HDAC9: variants seen among roughly 807,000 people sequenced by gnomAD.
The protein encoded by HDAC9 is histone deacetylase 9.
Under a neutral mutation model 139.4 loss-of-function variants are expected in HDAC9, and 41 were observed. That is an observed-to-expected ratio of 0.29 (90% CI 0.23 to 0.38). HDAC9 has a LOEUF of 0.38. Among genes scored for constraint, HDAC9 ranks in the 10% least tolerant of loss-of-function variants. HDAC9 has a pLI of 1.00. For missense variants in HDAC9, 1,147 were observed against 1,297.0 expected, an observed-to-expected ratio of 0.88 and a Z score of 1.78; for synonymous variants, 517 against 476.2, an observed-to-expected ratio of 1.09 and a Z score of -1.12.
chr7:18,810,707 C>G (rs1251986145), intron 17 of HDAC9, among the ~76,000 whole-genome samples: 1 of 151,868 alleles, frequency 6.6e-6, no homozygotes, highest in East Asian at 1.9e-4. Flanking sequence ...AGACACTGAT[C>G]TGTTTTTTCA....
rs1824422102 is a variant in HDAC9, at chr7:18,571,926, AG to A, written c.23-13353del. ...TATTCAACTGTTTTGTGCTGGCTAA[AG>A]GTAATTGTTTCCTGGTGGCAGGAGG... On this transcript the variant is annotated intron_variant, in intron 2 of 25. Transcript: ENST00000686413. 4.6e-5 allele frequency among the ~76,000 whole-genome samples: 7 copies of A among 151,862 alleles called. No individual in the cohort carries two copies. The South Asian group carries it at 1.0e-3, about 23-fold the overall frequency.
intron 22 of HDAC9, among the ~76,000 whole-genome samples, chr7:18,917,241 A>G (rs545026596): frequency 6.6e-6 from 1 of 152,000 alleles, no homozygotes; most frequent in Non-Finnish European, 1.5e-5. Flanking sequence ...GCAGTCAGTC[A>G]TGAGGGAGAA....
At position 18,751,375 on chromosome 7, in the gene HDAC9, A is replaced by T. The variant is rs139303158; in HGVS notation, c.2043+2237A>T. On this transcript the variant is annotated intron_variant, in intron 14 of 25. Coordinates refer to ENST00000686413, the MANE Select transcript of HDAC9 (RefSeq NM_178425.4). ...AATTAAGATTAAGCACAAACATCAT[A>T]TCCAAAACATGGCAACAATGCAAAT... 4.1e-3 allele frequency among the ~76,000 whole-genome samples: 630 copies of T among 152,234 alleles called. 2 individuals carry two copies. Among genetic ancestry groups the T allele is most frequent in the African/African-American group, 9.1e-3 (378 of 41,558 alleles).
intron 25 of HDAC9, among the ~76,000 whole-genome samples, chr7:18,991,377 A>G (rs1785929513): frequency 6.6e-6 from 1 of 152,224 alleles, no homozygotes; most frequent in African/African-American, 2.4e-5. Flanking sequence ...ACAGTGGCTC[A>G]TGCCTGTAAT....
At chr7:18,254,674 C>T (rs1287466505) in intron 2 of HDAC9, among the ~76,000 whole-genome samples, 1 of 152,100 alleles carries the variant, frequency 6.6e-6, no homozygotes, top group Non-Finnish European at 1.5e-5. Flanking sequence ...TGAGGTAGAA[C>T]ATATGTTCTT....
intron 21 of HDAC9, among the ~76,000 whole-genome samples, chr7:18,841,283 T>G (rs916153508): frequency 4.6e-5 from 7 of 152,046 alleles, no homozygotes; most frequent in Non-Finnish European, 7.4e-5. Flanking sequence ...GTAATGACAA[T>G]TAAGTAAATA....
At chr7:18,774,073 C>T (rs1341341511) in intron 16 of HDAC9, among the ~76,000 whole-genome samples, 1 of 151,930 alleles carries the variant, frequency 6.6e-6, no homozygotes, top group Non-Finnish European at 1.5e-5. Flanking sequence ...AGCAGAATCC[C>T]TAGGATTTAA....
At chr7:18,457,996 G>A (rs1323295206) in intron 1 of HDAC9, among the ~76,000 whole-genome samples, 1 of 152,114 alleles carries the variant, frequency 6.6e-6, no homozygotes, top group African/African-American at 2.4e-5. Context: ...GGTTGTGTAT[G>A]GCCATACACG....
intron 1 of HDAC9, among the ~76,000 whole-genome samples, chr7:18,135,780 T>C (rs959673993): frequency 1.3e-5 from 2 of 149,382 alleles, no homozygotes; most frequent in Non-Finnish European, 3.0e-5. Context: ...CATGTGTCTT[T>C]ATAGCAGCAT....
intron 23 of HDAC9, among the ~76,000 whole-genome samples, chr7:18,942,569 T>C (rs1230961030): frequency 6.6e-6 from 1 of 152,094 alleles, no homozygotes; most frequent in Non-Finnish European, 1.5e-5. Flanking sequence ...GTTTTGGAGA[T>C]GGCAGAAGCT....
chr7:18,654,760 T>C (rs1790532733), intron 11 of HDAC9, among the ~76,000 whole-genome samples: 1 of 152,182 alleles, frequency 6.6e-6, no homozygotes. Context: ...TGCACCGGTT[T>C]AGATTTGCCA....
rs1474213958 is a variant in HDAC9, at chr7:18,699,555, A to G, written c.1732-28025A>G. 5.9e-5 allele frequency among the ~76,000 whole-genome samples: 9 copies of G among 152,342 alleles called. No individual in the cohort carries two copies. The South Asian group carries it at 1.2e-3, about 21-fold the overall frequency. ...CAACGAACTTTAGAGGTTCTTGTAT[A>G]TCATACAATTCCATCTATTTATTTA... On this transcript the variant is annotated intron_variant, in intron 12 of 25. Coordinates refer to ENST00000686413, the MANE Select transcript of HDAC9 (RefSeq NM_178425.4).
In HDAC9 at chr7:18,216,962, G is replaced by A. The variant is rs552040697; in HGVS notation, c.25+54613G>A. 1.4e-4 allele frequency among the ~76,000 whole-genome samples: 22 copies of A among 152,068 alleles called. No individual in the cohort carries two copies. In the South Asian group the frequency reaches 3.5e-3, roughly 24 times the overall value. ...GAGGAAGGGACTTTTTTTTAAAACC[G>A]TATTGACTTACCATATCAACTAGCA... On this transcript the variant is annotated intron_variant, in intron 2 of 12. Coordinates refer to the HDAC9 transcript ENST00000417496.
At chr7:18,135,908 C>T (rs1335573122) in intron 1 of HDAC9, among the ~76,000 whole-genome samples, 5 of 124,022 alleles carry the variant, frequency 4.0e-5, no homozygotes, top group Non-Finnish European at 7.8e-5. Flanking sequence ...AACTAGTTTA[C>T]AGTCCCACCA....
chr7:18,459,678 T>C (rs559615392), intron 1 of HDAC9, among the ~76,000 whole-genome samples: 10 of 148,242 alleles, frequency 6.7e-5, no homozygotes, highest in Non-Finnish European at 1.2e-4. Flanking sequence ...AAGTGTAGAT[T>C]TGGGGGATTA....
At chr7:18,743,048 T>C (rs1187331348) in intron 13 of HDAC9, among the ~76,000 whole-genome samples, 1 of 152,252 alleles carries the variant, frequency 6.6e-6, no homozygotes, top group Non-Finnish European at 1.5e-5. Context: ...ATTTTCTTCA[T>C]AATATCCGTA....
At chr7:18,871,602 A>C (rs777919796) in intron 21 of HDAC9, among the ~76,000 whole-genome samples, 19 of 152,188 alleles carry the variant, frequency 1.2e-4, no homozygotes, top group Admixed American at 2.0e-4. Context: ...TTGTTTGCTA[A>C]CTTTAATCAG....
At chr7:18,201,642 G>A (rs1198442016) in intron 2 of HDAC9, among the ~76,000 whole-genome samples, 2 of 152,348 alleles carry the variant, frequency 1.3e-5, no homozygotes, top group East Asian at 3.9e-4. Context: ...GTCTGGCCAA[G>A]TAGAGCAGTC....
chr7:18,926,475 A>C (rs1345193465), intron 22 of HDAC9, among the ~76,000 whole-genome samples: 1 of 152,174 alleles, frequency 6.6e-6, no homozygotes, highest in Non-Finnish European at 1.5e-5. Flanking sequence ...AATAAGTAGT[A>C]TTTAATTTTA....
Sources: gnomAD v4.1 joint callset for allele counts (sites outside exome capture counted in the v4.1 genomes callset) on GRCh38, gnomAD v4.1.1 for gene constraint, MANE v1.5 for transcripts, NCBI Gene and HGNC (gene_info 2026-07-23, HGNC 2026-07-21) for gene names.